The following EFHD1 variants were observed in gnomAD, a reference collection of about 807,000 sequenced individuals.
EFHD1 encodes EF-hand domain family member D1, also known as EF-hand domain-containing protein D1.
A neutral mutation model predicts 17.2 loss-of-function variants in EFHD1; 10 were observed. That is an observed-to-expected ratio of 0.58 (90% CI 0.36 to 0.99). The LOEUF (loss-of-function observed/expected upper bound fraction) is 0.99, where lower values mean the gene tolerates loss of function less well. Among genes scored for constraint, EFHD1 ranks in the 50% least tolerant of loss-of-function variants. EFHD1 has a pLI of 0.01. For synonymous variants in EFHD1, 153 were observed against 142.0 expected (o/e 1.08, Z -0.55); for missense variants, 310 against 327.5 (o/e 0.95, Z 0.41).
intron 1 of EFHD1, among the ~76,000 whole-genome samples, chr2:232,615,190 C>A (rs1474814468): frequency 6.6e-6 from 1 of 152,018 alleles, no homozygotes; most frequent in East Asian, 1.9e-4. Flanking sequence ...GCGCTATAGG[C>A]AAGGCTTCTG....
intron 1 of EFHD1, chr2:232,638,198 C>G: frequency 2.7e-6 from 1 of 372,108 alleles, no homozygotes; most frequent in Non-Finnish European, 5.5e-6. Flanking sequence ...CAAGGTTAGA[C>G]AGGAAATTTT....
chr2:232,654,433 T>G (rs1303682923), intron 1 of EFHD1, among the ~76,000 whole-genome samples: 1 of 141,328 alleles, frequency 7.1e-6, no homozygotes, highest in Non-Finnish European at 1.5e-5. Context: ...TTTTTTTTTT[T>G]TTTTTGAGAC....
At chr2:232,641,996 G>A (rs1399907822) in intron 1 of EFHD1, among the ~76,000 whole-genome samples, 6 of 152,268 alleles carry the variant, frequency 3.9e-5, no homozygotes, top group Admixed American at 1.3e-4. Flanking sequence ...CTGGAGCCCC[G>A]GGGTAACACT....
intron 1 of EFHD1, among the ~76,000 whole-genome samples, chr2:232,616,071 C>T (rs914219228): frequency 3.3e-5 from 5 of 151,998 alleles, no homozygotes; most frequent in Non-Finnish European, 4.4e-5. Context: ...ATTTTAGTGG[C>T]GTGCCATGTT....
intron 1 of EFHD1, among the ~76,000 whole-genome samples, chr2:232,645,464 A>G (rs1166046662): frequency 6.6e-6 from 1 of 152,164 alleles, no homozygotes; most frequent in African/African-American, 2.4e-5. Flanking sequence ...GCCTTGGGAC[A>G]GCCCTGATCA....
intron 1 of EFHD1, among the ~76,000 whole-genome samples, chr2:232,627,066 T>A (rs867536300): frequency 0.03 from 2,183 of 72,268 alleles, 34 homozygotes; most frequent in African/African-American, 0.075. Flanking sequence ...ATATATATAT[T>A]TTTTTTTTTT....
chr2:232,625,249 C>T, intron 1 of EFHD1, among the ~76,000 whole-genome samples: 1 of 152,076 alleles, frequency 6.6e-6, no homozygotes, highest in East Asian at 1.9e-4. Context: ...CCACCTCAGC[C>T]TCCGGAGTAG....
intron 1 of EFHD1, among the ~76,000 whole-genome samples, chr2:232,642,474 C>T (rs1401351664): frequency 1.3e-5 from 2 of 151,734 alleles, no homozygotes; most frequent in African/African-American, 4.8e-5. Context: ...TCTTGACTTC[C>T]GGTCTTGGAA....
upstream of EFHD1, among the ~76,000 whole-genome samples, chr2:232,631,045 G>T (rs1694191984): frequency 6.6e-6 from 1 of 151,988 alleles, no homozygotes; most frequent in Non-Finnish European, 1.5e-5. Context: ...GGCCAACATG[G>T]TGAAACCCCG....
chr2:232,668,807 T>C (rs762817068), intron 2 of EFHD1, among the ~76,000 whole-genome samples: 20 of 151,934 alleles, frequency 1.3e-4, no homozygotes, highest in Non-Finnish European at 2.5e-4. Context: ...CTAATTTTGG[T>C]ATTTTTAGTA....
At chr2:232,642,853 G>A (rs1177843796) in intron 1 of EFHD1, among the ~76,000 whole-genome samples, 3 of 152,114 alleles carry the variant, frequency 2.0e-5, no homozygotes, top group African/African-American at 7.2e-5. Flanking sequence ...ACACAAGATT[G>A]TGAGAGACGA....
intron 1 of EFHD1, among the ~76,000 whole-genome samples, chr2:232,650,532 G>A (rs1465142038): frequency 2.3e-5 from 2 of 86,532 alleles, no homozygotes; most frequent in African/African-American, 4.9e-5. Context: ...GACCTCAGGT[G>A]ATCCACCCGC....
At chr2:232,658,091 C>CG (rs1202199981) in intron 1 of EFHD1, among the ~76,000 whole-genome samples, 3 of 151,420 alleles carry the variant, frequency 2.0e-5, no homozygotes, top group African/African-American at 7.3e-5. Context: ...TTAGTAGAGA[C>CG]GGGGTTTCAC....
At chr2:232,631,181 C>T (rs943878015), upstream of EFHD1, among the ~76,000 whole-genome samples, 3 of 151,954 alleles carry the variant, frequency 2.0e-5, no homozygotes, top group African/African-American at 4.8e-5. Context: ...GAGCCGAGAT[C>T]GCACCACTGC....
At chr2:232,620,223 C>T (rs1254043686) in intron 1 of EFHD1, among the ~76,000 whole-genome samples, 1 of 150,554 alleles carries the variant, frequency 6.6e-6, no homozygotes, top group Non-Finnish European at 1.5e-5. Flanking sequence ...CCCGTCTCTA[C>T]TAAAAATACA....
chr2:232,652,158 T>C (rs939242687), intron 1 of EFHD1, among the ~76,000 whole-genome samples: 1 of 152,218 alleles, frequency 6.6e-6, no homozygotes, highest in Non-Finnish European at 1.5e-5. Context: ...TCTGAATGTC[T>C]GCAAGGCGGC....
intron 1 of EFHD1, among the ~76,000 whole-genome samples, chr2:232,653,834 A>T (rs781114658): frequency 2.6e-5 from 4 of 152,080 alleles, no homozygotes; most frequent in Non-Finnish European, 5.9e-5. Context: ...CTTCTATGGG[A>T]CTTGCCCACT....
chr2:232,671,818 A>G (rs1241729014), intron 2 of EFHD1, among the ~76,000 whole-genome samples: 1 of 152,164 alleles, frequency 6.6e-6, no homozygotes, highest in Non-Finnish European at 1.5e-5. Context: ...GCACTTTGGG[A>G]GGCCGAGGCG....
intron 1 of EFHD1, among the ~76,000 whole-genome samples, chr2:232,655,125 G>A (rs1192608140): frequency 6.6e-6 from 1 of 152,222 alleles, no homozygotes; most frequent in Non-Finnish European, 1.5e-5. Context: ...TGTGTGCTGG[G>A]CAGTGAGCGG....
Sources: allele counts gnomAD v4.1 joint callset (sites outside exome capture counted in the v4.1 genomes callset), GRCh38; gene constraint gnomAD v4.1.1; transcripts MANE v1.5; gene names NCBI Gene and HGNC (gene_info 2026-07-23, HGNC 2026-07-21).